MSRA: variants seen among roughly 807,000 people sequenced by gnomAD.
MSRA encodes the protein methionine sulfoxide reductase A, also known as mitochondrial peptide methionine sulfoxide reductase.
In MSRA, 54 loss-of-function variants were observed where a neutral mutation model predicts 31.3. That is an observed-to-expected ratio of 1.73 (90% confidence interval 1.39 to 2.17). The LOEUF (loss-of-function observed/expected upper bound fraction) is 2.17, where lower values mean the gene tolerates loss of function less well. Among genes scored for constraint, MSRA ranks in the 30% most tolerant of loss-of-function variants. MSRA has a pLI of 0.00. For missense variants in MSRA, 507 were observed against 300.9 expected, an observed-to-expected ratio of 1.69 and a Z score of -5.07; for synonymous variants, 169 against 116.5, an observed-to-expected ratio of 1.45 and a Z score of -2.90.
At chr8:10,289,563 A>G (rs2129115123) in intron 3 of MSRA, among the ~76,000 whole-genome samples, 1 of 152,322 alleles carries the variant, frequency 6.6e-6, no homozygotes, top group South Asian at 2.1e-4. Context: ...CAGTTAAATT[A>G]TTGACTATAG....
chr8:10,134,556 G>A (rs753331892), intron 1 of MSRA, among the ~76,000 whole-genome samples: 3 of 152,174 alleles, frequency 2.0e-5, no homozygotes, highest in Non-Finnish European at 4.4e-5. Context: ...AGGACCCTTC[G>A]GCCAAGGGAT....
chr8:10,227,500 C>T (rs990815086), intron 2 of MSRA, among the ~76,000 whole-genome samples: 1 of 152,106 alleles, frequency 6.6e-6, no homozygotes, highest in East Asian at 1.9e-4. Context: ...GAAGGAAGGT[C>T]CCTTCCAACC....
rs534487708 is a variant in MSRA, at chr8:10,122,868, G to T, written c.142+68210G>T. ...ATGTTGCTGCGAAAGACATGATGTCGTTCTTTTTTATGGTGGCATAGTACT... is the reference window on the plus strand; with the variant it reads ...ATGTTGCTGCGAAAGACATGATGTCTTTCTTTTTTATGGTGGCATAGTACT... On this transcript the variant is annotated intron_variant, in intron 1 of 5. Transcript: ENST00000317173. Among the ~76,000 whole-genome samples, 8 of 152,248 alleles carry T rather than the reference G, an allele frequency of 5.3e-5. No homozygotes were observed. The South Asian group carries it at 1.2e-3, about 24-fold the overall frequency.
intron 3 of MSRA, among the ~76,000 whole-genome samples, chr8:10,257,438 C>G (rs964989681): frequency 6.6e-6 from 1 of 152,168 alleles, no homozygotes; most frequent in Non-Finnish European, 1.5e-5. Flanking sequence ...TGGAGTTTCG[C>G]TCTTGTTGCC....
chr8:10,301,792 G>A (rs1368000553), intron 4 of MSRA, among the ~76,000 whole-genome samples, 154 bp downstream of exon 4: 1 of 152,120 alleles, frequency 6.6e-6, no homozygotes, highest in East Asian at 1.9e-4. Flanking sequence ...GGAGGGGCTG[G>A]GGAGAAAAAG....
At chr8:10,072,100 C>T (rs1320002252) in intron 1 of MSRA, among the ~76,000 whole-genome samples, 2 of 151,762 alleles carry the variant, frequency 1.3e-5, no homozygotes, top group Non-Finnish European at 2.9e-5. Context: ...GGCCAGGTGC[C>T]ATGTGACACA....
At chr8:10,391,199 T>G (rs960754931) in intron 5 of MSRA, among the ~76,000 whole-genome samples, 2 of 152,202 alleles carry the variant, frequency 1.3e-5, no homozygotes, top group East Asian at 3.8e-4. Context: ...CTTAAATCTT[T>G]AAGTCATTGG....
rs577871709 is a variant in MSRA at position 10,073,288 on chromosome 8, C to G, written c.142+18630C>G. On this transcript the variant is annotated intron_variant, in intron 1 of 5. Transcript: ENST00000317173. ...TGCTGTTTATTGAGTTACGGTAGTT[C>G]CTCTTTATTCCTAACTTCCTCAGTG... Among the ~76,000 whole-genome samples, 5 of 152,168 alleles carry G rather than the reference C, an allele frequency of 3.3e-5. 1 individual carries two copies. In the South Asian group the frequency reaches 1.0e-3, roughly 32 times the overall value.
intron 1 of MSRA, among the ~76,000 whole-genome samples, chr8:10,063,256 T>C (rs1323994173): frequency 2.0e-5 from 3 of 152,216 alleles, no homozygotes; most frequent in African/African-American, 7.2e-5. Context: ...TCCCGATGAC[T>C]TCTTTTCTTC....
chr8:10,080,087 C>G (rs990343225), intron 1 of MSRA, among the ~76,000 whole-genome samples: 1 of 152,176 alleles, frequency 6.6e-6, no homozygotes, highest in Non-Finnish European at 1.5e-5. Flanking sequence ...GTCTCACTTG[C>G]TTTTCTCCCC....
At chr8:10,341,425 A>G (rs1803419941) in intron 5 of MSRA, among the ~76,000 whole-genome samples, 1 of 152,180 alleles carries the variant, frequency 6.6e-6, no homozygotes, top group South Asian at 2.1e-4. Context: ...ACTTATCACC[A>G]AAGAATGGTC....
At chr8:10,113,511 A>T (rs1052226888) in intron 1 of MSRA, among the ~76,000 whole-genome samples, 2 of 150,970 alleles carry the variant, frequency 1.3e-5, no homozygotes, top group African/African-American at 4.9e-5. Flanking sequence ...TGGTGATGGG[A>T]TGTTGGGGAA....
intron 5 of MSRA, among the ~76,000 whole-genome samples, chr8:10,368,604 G>C (rs537196759): frequency 3.9e-5 from 6 of 152,318 alleles, no homozygotes; most frequent in African/African-American, 1.2e-4. Context: ...GTTTAAAACC[G>C]TGCCTAGCCC....
At chr8:10,353,133 C>T (rs939045472) in intron 5 of MSRA, among the ~76,000 whole-genome samples, 8 of 152,152 alleles carry the variant, frequency 5.3e-5, no homozygotes, top group Non-Finnish European at 8.8e-5. Flanking sequence ...GGCGTGTGCA[C>T]ACACACACAT....
At chr8:10,260,166 G>T (rs574740882) in intron 3 of MSRA, among the ~76,000 whole-genome samples, 3 of 152,362 alleles carry the variant, frequency 2.0e-5, no homozygotes, top group African/African-American at 7.2e-5. Flanking sequence ...ATGAGCGGCT[G>T]TGTGTGGGCG....
intron 3 of MSRA, among the ~76,000 whole-genome samples, chr8:10,290,897 C>G (rs1430509622): frequency 6.6e-6 from 1 of 152,202 alleles, no homozygotes; most frequent in Non-Finnish European, 1.5e-5. Flanking sequence ...CTTATCATCC[C>G]TGCCTGTTTC....
At chr8:10,283,182 G>C (rs746291096) in intron 3 of MSRA, among the ~76,000 whole-genome samples, 1 of 82,872 alleles carries the variant, frequency 1.2e-5, no homozygotes, top group Non-Finnish European at 2.7e-5. Context: ...CTCTTTGCTG[G>C]GGAAAGGTTT....
rs1019906215 is a variant in MSRA, at chr8:10,280,331, G to A, written c.332-21203G>A. On this transcript the variant is annotated intron_variant, in intron 3 of 5. Coordinates refer to ENST00000317173, the MANE Select transcript of MSRA (RefSeq NM_012331.5). ...TGTCATTCTCTTTTTAACTTATTTT[G>A]TTGATATTTTTTACTTTTTGCTCCT... 4.0e-5 allele frequency among the ~76,000 whole-genome samples: 6 copies of A among 150,014 alleles called. No homozygotes were observed. In the South Asian group the frequency reaches 1.1e-3, roughly 26 times the overall value.
chr8:10,353,440 G>A (rs1804313361), intron 5 of MSRA, among the ~76,000 whole-genome samples: 1 of 151,936 alleles, frequency 6.6e-6, no homozygotes, highest in East Asian at 1.9e-4. Flanking sequence ...TCTCCTTGGA[G>A]GTTCCTCCCA....
Sources: gnomAD v4.1 joint callset for allele counts (sites outside exome capture counted in the v4.1 genomes callset) on GRCh38, gnomAD v4.1.1 for gene constraint, MANE v1.5 for transcripts, NCBI Gene and HGNC (gene_info 2026-07-23, HGNC 2026-07-21) for gene names.